The following GSG1L variants were observed in gnomAD, a reference collection of about 807,000 sequenced individuals.
The protein encoded by GSG1L is GSG1 like.
In GSG1L, 24 loss-of-function variants were observed where a neutral mutation model predicts 42.1. That is an observed-to-expected ratio of 0.57 (90% CI 0.41 to 0.80). GSG1L has a LOEUF of 0.80. GSG1L is among the 30% of genes least tolerant of loss of function. The pLI, the probability that GSG1L is intolerant of heterozygous loss-of-function variation, is 0.00. For synonymous variants in GSG1L, 215 were observed against 203.5 expected, an observed-to-expected ratio of 1.06 and a Z score of -0.48; for missense variants, 445 against 472.2, an observed-to-expected ratio of 0.94 and a Z score of 0.53.
chr16:28,001,442 C>T (rs920707340), intron 1 of GSG1L, among the ~76,000 whole-genome samples: 1 of 152,222 alleles, frequency 6.6e-6, no homozygotes, highest in African/African-American at 2.4e-5. Context: ...ATGGCAGGGG[C>T]TGTCTCTTTA....
chr16:27,965,088 G>A (rs908410826), intron 1 of GSG1L, among the ~76,000 whole-genome samples: 12 of 151,922 alleles, frequency 7.9e-5, no homozygotes, highest in African/African-American at 2.7e-4. Flanking sequence ...GTGCAATCTC[G>A]GCTCACTGCA....
chr16:27,804,504 C>T (rs1182313129), intron 6 of GSG1L, among the ~76,000 whole-genome samples: 1 of 151,654 alleles, frequency 6.6e-6, no homozygotes, highest in Non-Finnish European at 1.5e-5. Context: ...GAATGATTCT[C>T]TCTCCCCTCA....
chr16:27,944,679 C>T (rs1411636887), intron 2 of GSG1L, among the ~76,000 whole-genome samples: 1 of 151,498 alleles, frequency 6.6e-6, no homozygotes, highest in Non-Finnish European at 1.5e-5. Context: ...ATGAATGAAC[C>T]TTGCAAACAT....
At chr16:27,901,684 GAGAA>G (rs1377304305) in intron 2 of GSG1L, among the ~76,000 whole-genome samples, 1 of 152,230 alleles carries the variant, frequency 6.6e-6, no homozygotes, top group Non-Finnish European at 1.5e-5. Context: ...GCCATTTTAT[GAGAA>G]AGAGTTACCT....
chr16:28,051,769 A>G (rs1024466724), intron 1 of GSG1L, among the ~76,000 whole-genome samples: 5 of 152,182 alleles, frequency 3.3e-5, no homozygotes, highest in African/African-American at 7.2e-5. Context: ...GAGATGGGGC[A>G]GAGAGTAACG....
intron 2 of GSG1L, among the ~76,000 whole-genome samples, chr16:27,948,703 A>G (rs1203235552): frequency 1.4e-5 from 2 of 146,328 alleles, no homozygotes; most frequent in African/African-American, 5.1e-5. Flanking sequence ...TTCACCTCCC[A>G]GGTTCACGCC....
intron 6 of GSG1L, among the ~76,000 whole-genome samples, chr16:27,799,155 G>C (rs879314399): frequency 4.0e-5 from 6 of 151,768 alleles, no homozygotes; most frequent in Non-Finnish European, 8.8e-5. Context: ...TGTAATCCCA[G>C]CACTTTGAAA....
At chr16:27,926,528 CA>C in intron 2 of GSG1L, among the ~76,000 whole-genome samples, 1 of 151,294 alleles carries the variant, frequency 6.6e-6, no homozygotes, top group South Asian at 2.1e-4. Context: ...AACAAAAAAA[CA>C]AAAAAACAAA....
intron 4 of GSG1L, among the ~76,000 whole-genome samples, chr16:27,842,654 T>TTAA (rs1227912319): frequency 3.3e-5 from 5 of 152,116 alleles, no homozygotes; most frequent in Admixed American, 3.3e-4. Context: ...TCCCTGGGAT[T>TTAA]GTTCTACTTA....
chr16:27,875,869 A>G (rs1338152287), intron 3 of GSG1L, among the ~76,000 whole-genome samples: 1 of 152,190 alleles, frequency 6.6e-6, no homozygotes, highest in African/African-American at 2.4e-5. Flanking sequence ...TCCTCTCCGC[A>G]TGGAGAGGGC....
chr16:27,981,070 G>A (rs1283564459), intron 1 of GSG1L, among the ~76,000 whole-genome samples: 1 of 152,094 alleles, frequency 6.6e-6, no homozygotes, highest in Non-Finnish European at 1.5e-5. Context: ...TCTTAGCAGA[G>A]CAGGCAGGTC....
chr16:27,999,821 C>T (rs1379751988), intron 1 of GSG1L, among the ~76,000 whole-genome samples: 7 of 152,184 alleles, frequency 4.6e-5, no homozygotes, highest in Admixed American at 3.3e-4. Context: ...GGTGTAGCTG[C>T]ACCACAGATG....
intron 2 of GSG1L, among the ~76,000 whole-genome samples, chr16:27,955,345 G>C (rs1596644225): frequency 6.6e-6 from 1 of 151,798 alleles, no homozygotes; most frequent in Non-Finnish European, 1.5e-5. Context: ...TAGACTGGCT[G>C]ATTGAAATAT....
chr16:27,969,453 G>T (rs1352112353), intron 1 of GSG1L, among the ~76,000 whole-genome samples: 1 of 152,090 alleles, frequency 6.6e-6, no homozygotes, highest in African/African-American at 2.4e-5. Flanking sequence ...TCATATAAAT[G>T]GAATTATATA....
intron 5 of GSG1L, among the ~76,000 whole-genome samples, chr16:27,815,353 T>G (rs2083083361): frequency 6.6e-6 from 1 of 152,106 alleles, no homozygotes; most frequent in Non-Finnish European, 1.5e-5. Flanking sequence ...ATGTACCTGC[T>G]CCCGTTCTAT....
intron 1 of GSG1L, among the ~76,000 whole-genome samples, chr16:27,976,527 A>T (rs1374122363): frequency 1.3e-5 from 2 of 152,204 alleles, no homozygotes; most frequent in Non-Finnish European, 1.5e-5. Context: ...GGCCACAGTG[A>T]GACAGAAATT....
chr16:27,798,535 T>C (rs149363620), intron 6 of GSG1L, among the ~76,000 whole-genome samples: 66 of 152,218 alleles, frequency 4.3e-4, no homozygotes, highest in Middle Eastern at 3.4e-3. Flanking sequence ...GGGTATGGCC[T>C]GAAAGCAGAG....
chr16:27,857,505 G>A (rs1246181500), intron 3 of GSG1L, among the ~76,000 whole-genome samples: 5 of 151,848 alleles, frequency 3.3e-5, no homozygotes, highest in Admixed American at 3.3e-4. Context: ...ATTTTGGGAG[G>A]CCAAGGCAGG....
At chr16:28,043,751 G>A (rs984138855) in intron 1 of GSG1L, among the ~76,000 whole-genome samples, 1 of 152,272 alleles carries the variant, frequency 6.6e-6, no homozygotes, top group African/African-American at 2.4e-5. Context: ...GCCGGGTGTG[G>A]TGGCACACGC....
Sources: gnomAD v4.1 joint callset for allele counts (sites outside exome capture counted in the v4.1 genomes callset) on GRCh38, gnomAD v4.1.1 for gene constraint, MANE v1.5 for transcripts, NCBI Gene and HGNC (gene_info 2026-07-23, HGNC 2026-07-21) for gene names.